IFT74: variants seen among roughly 807,000 people sequenced by gnomAD.
IFT74 encodes intraflagellar transport protein 74 homolog.
A neutral mutation model predicts 96.7 loss-of-function variants in IFT74; 92 were observed. The ratio of observed to expected loss-of-function variants is 0.95; its 90% confidence interval spans 0.80 to 1.13. The LOEUF is 1.13. IFT74 is among the 50% of genes most tolerant of loss of function. IFT74 has a pLI of 0.00. For synonymous variants in IFT74, 223 were observed against 213.2 expected, an observed-to-expected ratio of 1.05 and a Z score of -0.40; for missense variants, 811 against 698.2, an observed-to-expected ratio of 1.16 and a Z score of -1.82.
At chr9:27,031,561 G>A (rs564303865) in intron 13 of IFT74, among the ~76,000 whole-genome samples, 12 of 146,600 alleles carry the variant, frequency 8.2e-5, no homozygotes, top group South Asian at 2.1e-4. Context: ...TAGTTTCTTC[G>A]ACCACTTAGC....
intron 16 of IFT74, among the ~76,000 whole-genome samples, chr9:27,051,066 A>C (rs865890940): frequency 1.4e-4 from 22 of 152,156 alleles, no homozygotes; most frequent in African/African-American, 3.9e-4. Context: ...CTATAGAAAT[A>C]TTCGTGTACT....
intron 2 of IFT74, among the ~76,000 whole-genome samples, chr9:26,962,467 G>C (rs891629288): frequency 6.6e-6 from 1 of 152,108 alleles, no homozygotes; most frequent in Non-Finnish European, 1.5e-5. Context: ...GTGTATTGGG[G>C]CCAGAATAAA....
chr9:27,005,964 C>T (rs530961245), intron 8 of IFT74, among the ~76,000 whole-genome samples: 1 of 152,144 alleles, frequency 6.6e-6, no homozygotes, highest in Non-Finnish European at 1.5e-5. Context: ...CTGCCTCAGC[C>T]TCCTGAGTAG....
chr9:27,012,939 G>C (rs922461603), intron 10 of IFT74, among the ~76,000 whole-genome samples: 2 of 151,854 alleles, frequency 1.3e-5, no homozygotes, highest in African/African-American at 2.4e-5. Context: ...GGATGGTCTC[G>C]ATCTCCTGAC....
intron 9 of IFT74, among the ~76,000 whole-genome samples, chr9:27,010,627 C>T (rs1829018476): frequency 6.6e-6 from 1 of 151,662 alleles, no homozygotes; most frequent in African/African-American, 2.4e-5. Context: ...GTAGCTGGGA[C>T]CACAGGTGCC....
intron 16 of IFT74, among the ~76,000 whole-genome samples, chr9:27,053,715 A>G (rs1820033045): frequency 6.6e-6 from 1 of 152,246 alleles, no homozygotes; most frequent in African/African-American, 2.4e-5. Flanking sequence ...TTTTATCAAG[A>G]AAAATCAATT....
intron 9 of IFT74, among the ~76,000 whole-genome samples, chr9:27,010,485 G>GTTTTTTTTTTTTTTTTTTTT: frequency 7.8e-6 from 1 of 128,124 alleles, no homozygotes; most frequent in South Asian, 2.5e-4. Flanking sequence ...CCTTTTTTTT[G>GTTTTTTTTTTTTTTTTTTTT]TTTTTTTTTT....
At chr9:27,047,193 C>T in intron 14 of IFT74, 81 bp from the exon 15 acceptor site, 1 of 786,066 alleles carries the variant, frequency 1.3e-6, no homozygotes, top group South Asian at 1.8e-5. Flanking sequence ...TTCTAAAAAG[C>T]ACTCTTAAGA....
chr9:27,032,878 G>GA (rs534854824), intron 13 of IFT74, among the ~76,000 whole-genome samples: 22 of 144,064 alleles, frequency 1.5e-4, no homozygotes, highest in East Asian at 4.1e-4. Flanking sequence ...AGAAAAAAAA[G>GA]AAAAAAAAAA....
intron 13 of IFT74, among the ~76,000 whole-genome samples, chr9:27,042,334 T>A (rs1486425215): frequency 1.3e-5 from 2 of 151,866 alleles, no homozygotes; most frequent in East Asian, 3.9e-4. Context: ...AGCAGACCCA[T>A]GAAGAGAAGA....
chr9:26,996,684 A>C (rs1828176985), intron 8 of IFT74, among the ~76,000 whole-genome samples: 1 of 152,220 alleles, frequency 6.6e-6, no homozygotes, highest in African/African-American at 2.4e-5. Context: ...TATTTTATAA[A>C]TATGGCTTAA....
chr9:26,960,355 T>A (rs552943097), intron 1 of IFT74, among the ~76,000 whole-genome samples: 2 of 152,344 alleles, frequency 1.3e-5, no homozygotes, highest in Non-Finnish European at 2.9e-5. Context: ...CATAACTATT[T>A]TATATGACCT....
At chr9:27,004,679 C>T (rs1361839048) in intron 8 of IFT74, among the ~76,000 whole-genome samples, 1 of 152,090 alleles carries the variant, frequency 6.6e-6, no homozygotes, top group African/African-American at 2.4e-5. Context: ...TTTCTTTCTC[C>T]TTTTGGAATA....
In IFT74 at chr9:27,017,068, A is replaced by G. The variant is rs773930754; in HGVS notation, c.933+18A>G. ...TTAAGCAGGTGGGCAAAACAAACATACTTATTTTAAGATGTCTGGTTTTGG... is the reference window on the plus strand; with the variant it reads ...TTAAGCAGGTGGGCAAAACAAACATGCTTATTTTAAGATGTCTGGTTTTGG... On this transcript the variant is annotated intron_variant, in intron 11 of 19. Coordinates refer to ENST00000380062, the MANE Select transcript of IFT74 (RefSeq NM_025103.4). The G allele has an allele frequency of 1.9e-5, 30 of 1,585,582 alleles. No individual in the cohort carries two copies. In the South Asian group the frequency reaches 3.0e-4, roughly 16 times the overall value.
In IFT74 at chr9:26,978,263, G is replaced by A. The variant is rs2131525662; in HGVS notation, c.256G>A (p.Gly86Ser). 1.2e-6 allele frequency: 2 copies of A among 1,612,202 alleles called. No homozygotes were observed. The highest frequency in any genetic ancestry group is 1.7e-6 in the Non-Finnish European group (2 of 1,179,588). Reference protein sequence around the residue: ...GLTGMKTGTKGPQRQILDKSY... With the variant: ...GLTGMKTGTKSPQRQILDKSY... ...GACTGGAATGAAAACTGGGACGAAA[G>A]GTACCTATTTTAAGATAAGTATGAC... Residue 86 changes from glycine to serine, a missense_variant and splice_region_variant, in exon 3 of 20, where the codon GGT becomes AGT. Transcript: ENST00000380062.
intron 13 of IFT74, 87 bp downstream of exon 13, chr9:27,029,191 A>G (rs1384967603): frequency 5.5e-6 from 5 of 912,336 alleles, no homozygotes; most frequent in East Asian, 2.7e-5. Flanking sequence ...AGACTGTTCA[A>G]CTACCTGGGA....
chr9:27,026,744 A>G (rs566764312), intron 12 of IFT74, among the ~76,000 whole-genome samples: 1 of 152,222 alleles, frequency 6.6e-6, no homozygotes, highest in African/African-American at 2.4e-5. Flanking sequence ...CAATGAAATC[A>G]AGATGGAAAT....
intron 8 of IFT74, chr9:26,995,529 C>G: frequency 6.5e-7 from 1 of 1,535,886 alleles, no homozygotes; most frequent in Non-Finnish European, 8.8e-7. Flanking sequence ...AATTAATTTT[C>G]TTCACATAAT....
intron 2 of IFT74, chr9:26,976,595 G>A: frequency 2.7e-6 from 1 of 376,800 alleles, no homozygotes; most frequent in South Asian, 2.1e-5. Context: ...TAGAGAGCCA[G>A]TCTTTTCCTA....
Sources: allele counts gnomAD v4.1 joint callset (sites outside exome capture counted in the v4.1 genomes callset), GRCh38; gene constraint gnomAD v4.1.1; transcripts MANE v1.5; gene names NCBI Gene and HGNC (gene_info 2026-07-23, HGNC 2026-07-21).